The following PAK4 variants were observed in gnomAD, a reference collection of about 807,000 sequenced individuals.
PAK4 encodes p21 (RAC1) activated kinase 4.
PAK4 carries 49 observed loss-of-function variants against 53.5 expected under a neutral mutation model. That is an observed-to-expected ratio of 0.92 (90% CI 0.73 to 1.16). PAK4 has a LOEUF of 1.16. Ranked by LOEUF, PAK4 falls within the 50% of genes most tolerant of loss-of-function variation. PAK4 has a pLI of 0.00. For missense variants in PAK4, 824 were observed against 850.7 expected (o/e 0.97, Z 0.39); for synonymous variants, 376 against 375.6 (o/e 1.00, Z -0.01).
chr19:39,172,692 G>A (rs1031172392), intron 2 of PAK4, among the ~76,000 whole-genome samples: 1 of 152,162 alleles, frequency 6.6e-6, no homozygotes, highest in Non-Finnish European at 1.5e-5. Flanking sequence ...CGAGCCCAGG[G>A]GGCAGCAGCC....
Position 39,175,949 on chromosome 19 carries a change from T to TA in PAK4, c.1359+512dup, listed in dbSNP as rs2144874075. 6.6e-6 allele frequency among the ~76,000 whole-genome samples: 1 copy of TA among 152,282 alleles called. No homozygotes were observed. Among genetic ancestry groups the TA allele is most frequent in the Admixed American group, 6.5e-5 (1 of 15,296 alleles). On this transcript the variant is annotated intron_variant, in intron 6 of 8. Coordinates refer to ENST00000358301, the Ensembl canonical transcript of PAK4. The surrounding 1 kb of genome is among the most constrained non-coding windows in gnomAD (Gnocchi z 4.7). Reference sequence around the variant, plus strand: ...CCCAAGGAAGATTAAGCCACACCATTAGTCCAGGCAGAGGCAGAGAGAGCT... The same window carrying TA: ...CCCAAGGAAGATTAAGCCACACCATTAAGTCCAGGCAGAGGCAGAGAGAGCT...
At chr19:39,181,868 A>G (rs1276892427), downstream of PAK4, 2 of 152,228 alleles carry the variant, frequency 1.3e-5, no homozygotes, top group African/African-American at 4.8e-5. Context: ...AGGTGTGTTT[A>G]CAGAGCCCCA....
Position 39,178,944 on chromosome 19 carries a change from AC to A in PAK4, c.*366del. On this transcript the variant is annotated 3_prime_UTR_variant, in exon 9 of 9. Transcript: ENST00000358301. This position sits in a 1 kb window ranked among gnomAD's most constrained non-coding sequence, Gnocchi z 4.4. ...GAGGTGAACATGTATGAGTGTGTGC[AC>A]GCGTGTGAGTGTGCATGTGTGTGTG... 5.1e-6 allele frequency: 1 copy of A among 196,782 alleles called. No homozygotes were observed. Among genetic ancestry groups the A allele is most frequent in the East Asian group, 1.4e-4 (1 of 6,972 alleles). The allele number at this position is 196,782 out of a possible 1,614,324, so 12.2% of individuals were successfully genotyped here.
chr19:39,166,186 A>G (rs528320260), intron 1 of PAK4, among the ~76,000 whole-genome samples: 8 of 152,346 alleles, frequency 5.3e-5, no homozygotes, highest in African/African-American at 1.7e-4. Context: ...GGCCAGGCGC[A>G]GGGCTCACGC....
At chr19:39,181,627 T>C (rs2074701417), downstream of PAK4, 1 of 152,340 alleles carries the variant, frequency 6.6e-6, no homozygotes, top group Non-Finnish European at 1.5e-5. Flanking sequence ...AGACCCTTCC[T>C]GACCCCACCG....
intron 1 of PAK4, among the ~76,000 whole-genome samples, chr19:39,133,486 C>CCGT (rs986133082): frequency 2.2e-4 from 34 of 152,152 alleles, no homozygotes; most frequent in African/African-American, 8.2e-4. Flanking sequence ...GGACCTGGCC[C>CCGT]CGTCACAGAG....
intron 1 of PAK4, among the ~76,000 whole-genome samples, chr19:39,142,214 T>C (rs944528085): frequency 3.3e-5 from 5 of 152,016 alleles, no homozygotes; most frequent in Non-Finnish European, 7.4e-5. Context: ...TGTCCTGGAG[T>C]TTTGCAGTCT....
intron 1 of PAK4, among the ~76,000 whole-genome samples, chr19:39,169,191 A>G (rs1252756459): frequency 1.3e-5 from 2 of 148,992 alleles, no homozygotes; most frequent in Admixed American, 6.7e-5. Flanking sequence ...CTGTGCAGAC[A>G]CTGGGAAGTG....
chr19:39,152,787 G>C (rs1410783350), intron 1 of PAK4, among the ~76,000 whole-genome samples: 1 of 152,164 alleles, frequency 6.6e-6, no homozygotes. Context: ...GCATCCCATT[G>C]GGGGTCTTGG....
Position 39,169,515 on chromosome 19 carries a change from G to A in PAK4, c.-22-17G>A, listed in dbSNP as rs375343654. On this transcript the variant is annotated splice_polypyrimidine_tract_variant and intron_variant, in intron 1 of 8. Transcript: ENST00000358301. ...ATGGGCAGGCTCTCACTCACCCACC[G>A]TGATTCCCTCCCGCAGGCCGCACCG... 3.8e-5 allele frequency: 60 copies of A among 1,576,648 alleles called. No homozygotes were observed. The highest frequency in any genetic ancestry group is 4.7e-5 in the Non-Finnish European group (54 of 1,147,562).
At chr19:39,145,238 C>T (rs567470544) in intron 1 of PAK4, among the ~76,000 whole-genome samples, 1 of 152,126 alleles carries the variant, frequency 6.6e-6, no homozygotes, top group Non-Finnish European at 1.5e-5. Flanking sequence ...CCCCCAGGTG[C>T]CTCCCCCAGG....
At position 39,176,723 on chromosome 19, in the gene PAK4, C is replaced by G. The variant is rs763836055; in HGVS notation, c.1485+8C>G. On this transcript the variant is annotated splice_region_variant and intron_variant, in intron 7 of 8. Coordinates refer to ENST00000358301, the Ensembl canonical transcript of PAK4. ...CTTCCCTACGGGCCAGAGGTGAGCCCCGGGGTGGCTTGGTTGTCCCGCCGT... is the reference window on the plus strand; with the variant it reads ...CTTCCCTACGGGCCAGAGGTGAGCCGCGGGGTGGCTTGGTTGTCCCGCCGT... 6.2e-7 allele frequency: 1 copy of G among 1,607,280 alleles called. No homozygotes were observed. The highest frequency in any genetic ancestry group is 2.2e-5 in the East Asian group (1 of 44,876).
chr19:39,175,971 A>G lies in PAK4; in HGVS notation c.1359+533A>G, dbSNP rs888474384. The stretch of plus-strand genomic sequence containing the variant: ...CATTAGTCCAGGCAGAGGCAGAGAG[A>G]GCTCTGTGTCACTGACAGTCTGAAA... On this transcript the variant is annotated intron_variant, in intron 6 of 8. Transcript: ENST00000358301. This position sits in a 1 kb window ranked among gnomAD's most constrained non-coding sequence, Gnocchi z 4.7. 6.6e-6 allele frequency among the ~76,000 whole-genome samples: 1 copy of G among 152,176 alleles called. No individual in the cohort carries two copies. The highest frequency in any genetic ancestry group is 1.5e-5 in the Non-Finnish European group (1 of 68,028).
intron 1 of PAK4, among the ~76,000 whole-genome samples, chr19:39,126,355 C>T (rs927218877): frequency 6.9e-6 from 1 of 145,858 alleles, no homozygotes; most frequent in African/African-American, 2.5e-5. Flanking sequence ...TGGGGCGTGC[C>T]TAGAAGGTAC....
chr19:39,178,901 G>T lies in PAK4; in HGVS notation c.*322G>T. On this transcript the variant is annotated 3_prime_UTR_variant, in exon 9 of 9. Transcript: ENST00000358301. The surrounding 1 kb of genome is among the most constrained non-coding windows in gnomAD (Gnocchi z 4.4). ...GGAAGTCTGCAGTGGGGGTCGCTGGGGGTGGAGAGAACACTAAGAGGTGAA... is the reference window on the plus strand; with the variant it reads ...GGAAGTCTGCAGTGGGGGTCGCTGGTGGTGGAGAGAACACTAAGAGGTGAA... 1 of 326,924 alleles carries T rather than the reference G, an allele frequency of 3.1e-6. No individual in the cohort carries two copies. Among genetic ancestry groups the T allele is most frequent in the Non-Finnish European group, 5.7e-6 (1 of 176,662 alleles). The allele number at this position is 326,924 out of a possible 1,614,324, so 20.3% of individuals were successfully genotyped here.
At chr19:39,179,031 AC>A (rs1483970690) in exon 9 of PAK4, 1 of 153,176 alleles carries the variant, frequency 6.5e-6, no homozygotes, top group African/African-American at 2.4e-5. Flanking sequence ...CTTGCCTGAC[AC>A]CCAGCCCCCT....
rs2073948722 is a variant in PAK4 at position 39,143,610 on chromosome 19, A to AAAAAAAG, written c.-23+17697_-23+17698insGAAAAAA. Among the ~76,000 whole-genome samples, 3 of 143,592 alleles carry AAAAAAAG rather than the reference A, an allele frequency of 2.1e-5. No homozygotes were observed. The East Asian group carries it at 6.2e-4, about 29-fold the overall frequency. 94.2% of individuals were successfully genotyped at this position (143,592 alleles called of 152,430 possible). The stretch of plus-strand genomic sequence containing the variant: ...TCTGTCTCAAAAAAAAAAAAAAAAA[A>AAAAAAAG]AAAAAAAAAAAAAGAATTGTTGAGT... On this transcript the variant is annotated intron_variant, in intron 1 of 8. Coordinates refer to ENST00000358301, the Ensembl canonical transcript of PAK4.
Position 39,166,585 on chromosome 19 carries a change from A to G in PAK4, c.-22-2947A>G, listed in dbSNP as rs368866956. On this transcript the variant is annotated intron_variant, in intron 1 of 8. Coordinates refer to ENST00000358301, the Ensembl canonical transcript of PAK4. ...CCAGGTTGGGTTAGAGCTCCAGTTC[A>G]CAGACACAGAAAGTGAGGTCATATA... Among the ~76,000 whole-genome samples, 60 of 152,354 alleles carry G rather than the reference A, an allele frequency of 3.9e-4. 1 individual carries two copies. In the South Asian group the frequency reaches 0.011, roughly 27 times the overall value.
chr19:39,169,501 C>T, intron 1 of PAK4, 31 bp from the exon 3 acceptor site: 1 of 1,490,148 alleles, frequency 6.7e-7, no homozygotes, highest in Non-Finnish European at 9.3e-7. Context: ...TGGGCAGGCT[C>T]TCACTCACCC....
Sources: allele counts gnomAD v4.1 joint callset (sites outside exome capture counted in the v4.1 genomes callset), GRCh38; gene constraint gnomAD v4.1.1; non-coding constraint Gnocchi (gnomAD v3.1); transcripts MANE v1.5; gene names NCBI Gene and HGNC (gene_info 2026-07-23, HGNC 2026-07-21).